IGF2R: variants seen among roughly 807,000 people sequenced by gnomAD.
IGF2R encodes the protein cation-independent mannose-6-phosphate receptor.
IGF2R carries 91 observed loss-of-function variants against 270.6 expected under a neutral mutation model. That is an observed-to-expected ratio of 0.34 (90% CI 0.28 to 0.40). The LOEUF is 0.40. IGF2R is among the 10% of genes least tolerant of loss of function. IGF2R has a pLI of 1.00. For missense variants in IGF2R, 2,805 were observed against 3,188.3 expected (o/e 0.88, Z 2.90); for synonymous variants, 1,316 against 1,258.9 (o/e 1.05, Z -0.96).
At chr6:160,085,256 C>G (rs756090984) in intron 41 of IGF2R, 125 bp downstream of exon 41, 35 of 987,230 alleles carry the variant, frequency 3.5e-5, no homozygotes, top group Non-Finnish European at 5.1e-5. Context: ...ATATGATTGC[C>G]TGTCACTGTC....
chr6:159,995,145 A>G (rs1784032760), intron 2 of IGF2R, among the ~76,000 whole-genome samples: 1 of 151,290 alleles, frequency 6.6e-6, no homozygotes. Context: ...TGTATTTAGG[A>G]TGGTTATATC....
chr6:160,013,421 A>G (rs1391342528), intron 4 of IGF2R, among the ~76,000 whole-genome samples: 1 of 151,656 alleles, frequency 6.6e-6, no homozygotes, highest in Non-Finnish European at 1.5e-5. Context: ...AAAAAAAAAA[A>G]AAAAAAAAAA....
In IGF2R at chr6:160,040,605, G is replaced by A; in HGVS notation, c.1361G>A (p.Cys454Tyr). Residue 454 changes from cysteine to tyrosine, a missense_variant, in exon 11 of 48, where the codon TGC becomes TAC. Physicochemically the swap from Cys to Tyr is radical, Grantham distance 194 (BLOSUM62 -2). Coordinates refer to ENST00000356956, the MANE Select transcript of IGF2R (RefSeq NM_000876.4). ...CCTGTATTCACAGGGGAGGTTGACT[G>A]CACCTACTTCTTCACATGGGACACG... ...GTPVFTGEVD[C>Y]TYFFTWDTEY... is the part of the protein sequence containing the mutation. 6.2e-7 allele frequency: 1 copy of A among 1,614,092 alleles called. No homozygotes were observed. The highest frequency in any genetic ancestry group is 8.5e-7 in the Non-Finnish European group (1 of 1,179,954).
chr6:160,064,557 C>T (rs201365839), intron 28 of IGF2R, 26 bp downstream of exon 28: 26 of 1,612,260 alleles, frequency 1.6e-5, no homozygotes, highest in Admixed American at 3.3e-5. Context: ...CGGCCCTCAG[C>T]GGGGTCTTCT....
intron 1 of IGF2R, among the ~76,000 whole-genome samples, chr6:159,978,862 C>T (rs964761388): frequency 9.2e-5 from 14 of 152,080 alleles, no homozygotes; most frequent in African/African-American, 3.1e-4. Flanking sequence ...GTGTGCTTTT[C>T]GATCCCCTGG....
chr6:159,971,358 C>T (rs989171074), intron 1 of IGF2R, among the ~76,000 whole-genome samples: 1 of 152,142 alleles, frequency 6.6e-6, no homozygotes, highest in Non-Finnish European at 1.5e-5. Context: ...TTTTTCTGGC[C>T]ACTGTCACAC....
At chr6:160,005,912 C>G (rs540886531) in intron 2 of IGF2R, 1 of 157,626 alleles carries the variant, frequency 6.3e-6, no homozygotes, top group African/African-American at 2.4e-5. Context: ...AGCGCCTCCT[C>G]GGCCGCCGTG....
In IGF2R at chr6:160,071,915, C is replaced by T. The variant is rs8191881; in HGVS notation, c.4449C>T (p.Ser1483=). 8.9e-4 allele frequency: 1,442 copies of T among 1,614,114 alleles called. 12 individuals are homozygous for T. In the African/African-American group the frequency reaches 0.016, roughly 18 times the overall value. ...CTGTCTGTGCTTTGTTGTAGAACTC[C>T]AGGCCCATGTTCATCAGCGCCGTGG... ...RFTCSESQVN[S]RPMFISAVED... The change falls in exon 32 of 48, where the codon TCC becomes TCT. Residue 1483 remains serine, a synonymous_variant. Coordinates refer to ENST00000356956, the MANE Select transcript of IGF2R (RefSeq NM_000876.4).
chr6:160,021,903 ATCTG>A (rs1401105721), intron 4 of IGF2R, among the ~76,000 whole-genome samples: 1 of 152,208 alleles, frequency 6.6e-6, no homozygotes, highest in African/African-American at 2.4e-5. Flanking sequence ...AGTAAAAGAA[ATCTG>A]TCTGTCAAAG....
At chr6:160,006,014 C>G in intron 2 of IGF2R, 1 of 158,950 alleles carries the variant, frequency 6.3e-6, no homozygotes, top group Non-Finnish European at 1.4e-5. Flanking sequence ...CCTCCGCGCC[C>G]CATACCTCCC....
At chr6:160,069,005 A>G (rs1328155704) in intron 30 of IGF2R, among the ~76,000 whole-genome samples, 1 of 152,072 alleles carries the variant, frequency 6.6e-6, no homozygotes. Context: ...AGATAGAAAT[A>G]ATAGCCATGG....
At chr6:160,005,083 G>C (rs1272855916) in intron 2 of IGF2R, 1 of 152,312 alleles carries the variant, frequency 6.6e-6, no homozygotes, top group Non-Finnish European at 1.5e-5. Flanking sequence ...CCAGCGCTTA[G>C]GTTCCTCCCG....
rs759436909 is a variant in IGF2R at position 160,010,766 on chromosome 6, T to C, written c.494T>C (p.Ile165Thr). Residue 165 changes from isoleucine to threonine, a missense_variant, in exon 4 of 48, where the codon ATA becomes ACA. Ile to Thr is a moderately conservative substitution (Grantham distance 89). Coordinates refer to ENST00000356956, the MANE Select transcript of IGF2R (RefSeq NM_000876.4). ...WRTTAACKKD[I>T]FKANKEVPCY... is the part of the protein sequence containing the mutation. ...ACCACTGCAGCCTGCAAGAAAGACATATTTAAAGCAAATAAGGAGGTAACA... is the reference window on the plus strand; with the variant it reads ...ACCACTGCAGCCTGCAAGAAAGACACATTTAAAGCAAATAAGGAGGTAACA... 1.2e-6 allele frequency: 2 copies of C among 1,606,132 alleles called. No individual in the cohort carries two copies. The highest frequency in any genetic ancestry group is 3.3e-5 in the Admixed American group (2 of 60,016).
At chr6:160,078,464 G>GA in intron 37 of IGF2R, 102 bp downstream of exon 37, 1 of 1,122,672 alleles carries the variant, frequency 8.9e-7, no homozygotes, top group South Asian at 1.4e-5. Flanking sequence ...TGTGAGCTGA[G>GA]AGGGTGTATG....
intron 2 of IGF2R, among the ~76,000 whole-genome samples, chr6:160,008,271 TC>T (rs8191724): frequency 0.01 from 1,550 of 152,280 alleles, 27 homozygotes; most frequent in African/African-American, 0.036. Flanking sequence ...TGTTTCCAGT[TC>T]CGTTTTTATT....
At chr6:159,981,602 G>A (rs1258539331) in intron 1 of IGF2R, among the ~76,000 whole-genome samples, 2 of 152,214 alleles carry the variant, frequency 1.3e-5, no homozygotes, top group Admixed American at 6.5e-5. Context: ...TGTTCCTGGT[G>A]GTGGTTTTCT....
At position 160,075,865 on chromosome 6, in the gene IGF2R, G is replaced by A. The variant is rs1778845126; in HGVS notation, c.5185G>A (p.Gly1729Arg). The A allele has an allele frequency of 3.1e-6, 5 of 1,613,808 alleles. No homozygotes were observed. In the East Asian group the frequency reaches 1.1e-4, roughly 36 times the overall value. ...GPPIDIGRVA[G>R]PPILNPIANE... ...TGTTTAGGATATCGGCCGGGTAGCA[G>A]GACCACCAATACTCAATCCAATAGC... Residue 1729 changes from glycine to arginine, a missense_variant, in exon 36 of 48, where the codon GGA becomes AGA. Coordinates refer to ENST00000356956, the MANE Select transcript of IGF2R (RefSeq NM_000876.4).
At chr6:160,080,620 G>C (rs1778959119) in intron 39 of IGF2R, among the ~76,000 whole-genome samples, 1 of 152,136 alleles carries the variant, frequency 6.6e-6, no homozygotes, top group African/African-American at 2.4e-5. Context: ...GGGTCTTCAG[G>C]ATTCTGAAGC....
intron 2 of IGF2R, 67 bp downstream of exon 2, chr6:159,991,390 G>GTA: frequency 7.0e-7 from 1 of 1,428,494 alleles, no homozygotes; most frequent in Admixed American, 1.8e-5. Flanking sequence ...AAATGACTGT[G>GTA]TATAGCTATA....
Sources: gnomAD v4.1 joint callset for allele counts (sites outside exome capture counted in the v4.1 genomes callset) on GRCh38, gnomAD v4.1.1 for gene constraint, MANE v1.5 for transcripts, NCBI Gene and HGNC (gene_info 2026-07-23, HGNC 2026-07-21) for gene names.